DAAM2: variants seen among roughly 807,000 people sequenced by gnomAD.
DAAM2 encodes dishevelled associated activator of morphogenesis 2, also known as disheveled-associated activator of morphogenesis 2.
DAAM2 carries 39 observed loss-of-function variants against 120.7 expected under a neutral mutation model. The observed-to-expected ratio is 0.32, with a 90% CI of 0.25 to 0.42. The LOEUF is 0.42. Among genes scored for constraint, DAAM2 ranks in the 10% least tolerant of loss-of-function variants. The pLI, the probability that DAAM2 is intolerant of heterozygous loss-of-function variation, is 1.00. For synonymous variants in DAAM2, 488 were observed against 524.9 expected, an observed-to-expected ratio of 0.93 and a Z score of 0.96; for missense variants, 1,283 against 1,401.7, an observed-to-expected ratio of 0.92 and a Z score of 1.35.
intron 11 of DAAM2, among the ~76,000 whole-genome samples, chr6:39,876,933 C>T (rs972930570): frequency 6.6e-6 from 1 of 152,196 alleles, no homozygotes. Flanking sequence ...AACAGGCTCC[C>T]TGCTCTCTTG....
At chr6:39,850,048 G>GT (rs1763747770) in intron 1 of DAAM2, among the ~76,000 whole-genome samples, 1 of 144,190 alleles carries the variant, frequency 6.9e-6, no homozygotes, top group East Asian at 2.0e-4. Context: ...CAGCCCCAGG[G>GT]GACCTGGTGG....
chr6:39,843,272 G>A, intron 1 of DAAM2, among the ~76,000 whole-genome samples: 1 of 152,128 alleles, frequency 6.6e-6, no homozygotes, highest in Non-Finnish European at 1.5e-5. Context: ...AGGAATGAGT[G>A]GGACAACATG....
intron 2 of DAAM2, among the ~76,000 whole-genome samples, chr6:39,859,370 C>T (rs1764125444): frequency 6.6e-6 from 1 of 152,200 alleles, no homozygotes; most frequent in South Asian, 2.1e-4. Flanking sequence ...AAAGAAACCT[C>T]AAACAGGGTT....
intron 1 of DAAM2, among the ~76,000 whole-genome samples, chr6:39,800,213 G>C (rs1431594488): frequency 2.0e-5 from 3 of 152,118 alleles, no homozygotes; most frequent in Non-Finnish European, 4.4e-5. Flanking sequence ...CCATCACCCA[G>C]GCAAGCTTTG....
Position 39,875,490 on chromosome 6 carries a change from C to T in DAAM2, c.1301+22C>T, listed in dbSNP as rs376635302. On this transcript the variant is annotated intron_variant, in intron 11 of 24. Transcript: ENST00000274867. ...ACATGTGAGCAGTGGCCAGCCTTTG[C>T]CCTGTCTTCCTCCACCTTCCTCATC... 2.8e-5 allele frequency: 45 copies of T among 1,605,472 alleles called. No individual in the cohort carries two copies. The Middle Eastern group carries it at 5.0e-4, about 18-fold the overall frequency.
chr6:39,871,392 C>T (rs1764655460), intron 8 of DAAM2, 114 bp from the exon 9 acceptor site: 1 of 1,013,088 alleles, frequency 9.9e-7, no homozygotes, highest in African/African-American at 1.6e-5. Flanking sequence ...CTTCATTTTG[C>T]TTGAATGAAG....
intron 17 of DAAM2, among the ~76,000 whole-genome samples, chr6:39,890,380 A>ACTGT (rs1253123319): frequency 6.6e-6 from 1 of 152,206 alleles, no homozygotes; most frequent in African/African-American, 2.4e-5. Context: ...GAACAACCCA[A>ACTGT]CTGTCCATCA....
intron 1 of DAAM2, chr6:39,822,201 C>G (rs935169861): frequency 2.0e-5 from 3 of 152,320 alleles, no homozygotes; most frequent in African/African-American, 7.2e-5. Flanking sequence ...TGCCCCCGTC[C>G]CATTTCCTGT....
At chr6:39,899,847 C>G (rs1374029384) in intron 22 of DAAM2, 1 of 415,772 alleles carries the variant, frequency 2.4e-6, no homozygotes, top group Non-Finnish European at 4.3e-6. Flanking sequence ...ATGCTGCTGG[C>G]CCCAGGTCAC....
intron 11 of DAAM2, among the ~76,000 whole-genome samples, chr6:39,876,857 T>A (rs1226393488): frequency 2.6e-5 from 4 of 152,174 alleles, no homozygotes. Context: ...TCCGACCCTC[T>A]GAAGAGGCAG....
intron 4 of DAAM2, 112 bp from the exon 5 acceptor site, chr6:39,864,868 C>T: frequency 7.5e-7 from 1 of 1,340,984 alleles, no homozygotes; most frequent in South Asian, 1.4e-5. Context: ...CTCAGTAAAC[C>T]ATTCCCTGAG....
At chr6:39,803,518 GA>G (rs1474048497) in intron 1 of DAAM2, among the ~76,000 whole-genome samples, 1 of 152,198 alleles carries the variant, frequency 6.6e-6, no homozygotes, top group Non-Finnish European at 1.5e-5. Flanking sequence ...ATGAGATGGG[GA>G]GTGGGAGTAT....
At chr6:39,846,627 G>T (rs1028381708) in intron 1 of DAAM2, among the ~76,000 whole-genome samples, 1 of 151,628 alleles carries the variant, frequency 6.6e-6, no homozygotes, top group African/African-American at 2.4e-5. Context: ...TAGAACCCCC[G>T]CTGGGCTACA....
rs1234096786 is a variant in DAAM2, at chr6:39,901,421, C to T, written c.2931C>T (p.Ala977=). ...AFSEARQDLE[A]MRRRKEEEER... is the part of the protein sequence containing the mutation. ...CAGAGGCCCGGCAGGATCTAGAGGC[C>T]ATGAGGAGGAGGAAGGAGGAGGAGG... The change falls in exon 24 of 25, where the codon GCC becomes GCT. Residue 977 remains alanine (A), a synonymous_variant. Transcript: ENST00000274867. This position sits in a 1 kb window ranked among gnomAD's most constrained non-coding sequence, Gnocchi z 4.5. 8 of 1,613,444 alleles carry T rather than the reference C, an allele frequency of 5.0e-6. No individual in the cohort carries two copies. The highest frequency in any genetic ancestry group is 5.9e-6 in the Non-Finnish European group (7 of 1,179,864).
intron 7 of DAAM2, among the ~76,000 whole-genome samples, chr6:39,869,820 G>A (rs1191142489): frequency 4.1e-5 from 6 of 146,922 alleles, no homozygotes; most frequent in African/African-American, 7.5e-5. Flanking sequence ...AGGGAAGGCC[G>A]GTTGGGGGAA....
In DAAM2 at chr6:39,864,480, C is replaced by T. The variant is rs774173343; in HGVS notation, c.306C>T (p.Tyr102=). The T allele has an allele frequency of 8.7e-6, 14 of 1,612,546 alleles. No homozygotes were observed. Among genetic ancestry groups the T allele is most frequent in the Non-Finnish European group, 1.2e-5 (14 of 1,179,704 alleles). ...NKLATSWPDY[Y]IDRINSMAAM... The stretch of plus-strand genomic sequence containing the variant: ...TGGCAACCAGCTGGCCTGACTATTA[C>T]ATCGACCGCATCAATTCCATGGCTG... The change falls in exon 4 of 25, where the codon TAC becomes TAT. Residue 102 remains tyrosine (Y), a synonymous_variant. Coordinates refer to ENST00000274867, the MANE Select transcript of DAAM2 (RefSeq NM_001201427.2).
rs2504086 is a variant in DAAM2 at position 39,878,361 on chromosome 6, A to G, written c.1361-43A>G. 0.58 allele frequency: 931,885 copies of G among 1,607,492 alleles called. 272,058 individuals are homozygous for G. The highest frequency in any genetic ancestry group is 0.74 in the East Asian group (33,221 of 44,720). On this transcript the variant is annotated intron_variant, in intron 12 of 24. Transcript: ENST00000274867. The surrounding 1 kb of genome is among the most constrained non-coding windows in gnomAD (Gnocchi z 5.0). ...CCAGGCAGGGAGTCACATTACTCACATTCTCTCCTTCTGTTTCCTCTCCCG... is the reference window on the plus strand; with the variant it reads ...CCAGGCAGGGAGTCACATTACTCACGTTCTCTCCTTCTGTTTCCTCTCCCG...
At chr6:39,862,510 A>C (rs1467335296) in intron 3 of DAAM2, 3 of 152,242 alleles carry the variant, frequency 2.0e-5, no homozygotes, top group African/African-American at 7.2e-5. Context: ...ACAAACAAAC[A>C]AACAAAAAAA....
intron 1 of DAAM2, among the ~76,000 whole-genome samples, chr6:39,805,390 C>G (rs1031856533): frequency 6.6e-6 from 1 of 152,072 alleles, no homozygotes; most frequent in African/African-American, 2.4e-5. Flanking sequence ...GTGCCTGGAA[C>G]ATAGTATGTA....
Sources: allele counts gnomAD v4.1 joint callset (sites outside exome capture counted in the v4.1 genomes callset), GRCh38; gene constraint gnomAD v4.1.1; non-coding constraint Gnocchi (gnomAD v3.1); transcripts MANE v1.5; gene names NCBI Gene and HGNC (gene_info 2026-07-23, HGNC 2026-07-21).